The following ANO3 variants were observed in gnomAD, a reference collection of about 807,000 sequenced individuals.
ANO3 encodes the protein anoctamin-3.
A neutral mutation model predicts 144.8 loss-of-function variants in ANO3; 99 were observed. The observed-to-expected ratio is 0.68, with a 90% CI of 0.58 to 0.81. ANO3 has a LOEUF of 0.81. ANO3 is among the 30% of genes least tolerant of loss of function. ANO3 has a pLI of 0.00. For missense variants in ANO3, 905 were observed against 1,202.2 expected, an observed-to-expected ratio of 0.75 and a Z score of 3.66; for synonymous variants, 414 against 392.6, an observed-to-expected ratio of 1.05 and a Z score of -0.64.
chr11:26,575,713 C>T (rs955359092), intron 14 of ANO3, among the ~76,000 whole-genome samples: 3 of 152,116 alleles, frequency 2.0e-5, no homozygotes, highest in African/African-American at 4.8e-5. Flanking sequence ...AAACCACTGA[C>T]ATTGTGCAGC....
intron 1 of ANO3, among the ~76,000 whole-genome samples, chr11:26,196,544 A>G (rs773535434): frequency 2.0e-5 from 3 of 152,210 alleles, no homozygotes; most frequent in Non-Finnish European, 4.4e-5. Context: ...GGTTTTGGAA[A>G]TCATGGCTTC....
intron 14 of ANO3, among the ~76,000 whole-genome samples, chr11:26,577,520 C>T (rs996529296): frequency 1.1e-4 from 16 of 147,290 alleles, no homozygotes; most frequent in East Asian, 2.0e-4. Flanking sequence ...GCTGAGATTG[C>T]GCCATTACAC....
At chr11:26,577,036 C>A (rs1380453553) in intron 14 of ANO3, among the ~76,000 whole-genome samples, 2 of 152,064 alleles carry the variant, frequency 1.3e-5, no homozygotes, top group Non-Finnish European at 2.9e-5. Flanking sequence ...TAAGGACATT[C>A]CTTGGCCACA....
intron 1 of ANO3, among the ~76,000 whole-genome samples, chr11:26,292,881 T>C (rs1440900147): frequency 1.3e-5 from 2 of 152,108 alleles, no homozygotes; most frequent in Non-Finnish European, 2.9e-5. Context: ...TACTCATGGG[T>C]CAGGGACCCA....
chr11:26,615,414 A>ATATATATATATATATATATAT (rs1352935016), intron 17 of ANO3, among the ~76,000 whole-genome samples: 2 of 130,700 alleles, frequency 1.5e-5, no homozygotes, highest in African/African-American at 6.0e-5. Context: ...ATATATATAT[A>ATATATATATATATATATATAT]TTTTTTTTTT....
At chr11:26,262,599 T>C (rs1853214765) in intron 1 of ANO3, among the ~76,000 whole-genome samples, 1 of 152,056 alleles carries the variant, frequency 6.6e-6, no homozygotes, top group South Asian at 2.1e-4. Context: ...AACCCAAACT[T>C]TATATGTTGA....
chr11:26,569,771 TA>T (rs1850746369), intron 14 of ANO3, among the ~76,000 whole-genome samples: 1 of 152,122 alleles, frequency 6.6e-6, no homozygotes. Context: ...ACTTGCTTTA[TA>T]AAGCTGAAAT....
intron 1 of ANO3, among the ~76,000 whole-genome samples, chr11:26,422,112 G>A (rs1163934269): frequency 1.3e-5 from 2 of 151,910 alleles, no homozygotes; most frequent in Non-Finnish European, 2.9e-5. Flanking sequence ...TGAAAGAAAG[G>A]AAAACTATTA....
At position 26,554,552 on chromosome 11, in the gene ANO3, T is replaced by C. The variant is rs566320719; in HGVS notation, c.1386+1207T>C. 7.2e-5 allele frequency among the ~76,000 whole-genome samples: 11 copies of C among 152,224 alleles called. No homozygotes were observed. In the South Asian group the frequency reaches 2.3e-3, roughly 32 times the overall value. ...ATATCTTTTACATACCCACCCATGGTATATGAGAATTCCAGTTTTCTGTGT... is the reference window on the plus strand; with the variant it reads ...ATATCTTTTACATACCCACCCATGGCATATGAGAATTCCAGTTTTCTGTGT... On this transcript the variant is annotated intron_variant, in intron 13 of 26. Transcript: ENST00000256737.
intron 24 of ANO3, among the ~76,000 whole-genome samples, chr11:26,652,291 T>A (rs1432177955): frequency 6.6e-6 from 1 of 152,206 alleles, no homozygotes; most frequent in Non-Finnish European, 1.5e-5. Context: ...TAGCTTCTCC[T>A]TGCTCCTCAA....
chr11:26,449,725 C>CA (rs1858850402), intron 3 of ANO3, among the ~76,000 whole-genome samples: 1 of 149,812 alleles, frequency 6.7e-6, no homozygotes, highest in African/African-American at 2.5e-5. Context: ...AGGCTTAAAA[C>CA]AAAACTCTTC....
intron 14 of ANO3, among the ~76,000 whole-genome samples, chr11:26,583,538 C>T (rs780959212): frequency 2.0e-5 from 3 of 152,158 alleles, no homozygotes; most frequent in East Asian, 3.9e-4. Flanking sequence ...ACAGGCTCTT[C>T]GTATCAATTA....
At chr11:26,414,385 G>A (rs919388023) in intron 1 of ANO3, among the ~76,000 whole-genome samples, 62 of 151,972 alleles carry the variant, frequency 4.1e-4, no homozygotes, top group African/African-American at 1.5e-3. Flanking sequence ...TGTGGTACAT[G>A]TACACCATGG....
intron 3 of ANO3, among the ~76,000 whole-genome samples, chr11:26,453,869 T>C (rs897638454): frequency 6.6e-6 from 1 of 151,776 alleles, no homozygotes; most frequent in Non-Finnish European, 1.5e-5. Context: ...ACAGAAATTA[T>C]AACAAACTCC....
chr11:26,407,084 A>ATATATATATG (rs1857308976), intron 1 of ANO3, among the ~76,000 whole-genome samples: 1 of 142,802 alleles, frequency 7.0e-6, no homozygotes, highest in South Asian at 2.2e-4. Context: ...GTGTATATAT[A>ATATATATATG]TATATATATG....
At chr11:26,510,738 C>T (rs117420551) in intron 5 of ANO3, among the ~76,000 whole-genome samples, 3,353 of 152,294 alleles carry the variant, frequency 0.022, 62 homozygotes, top group Non-Finnish European at 0.035. Flanking sequence ...ATATTCATAA[C>T]AGGTATTGCT....
intron 17 of ANO3, among the ~76,000 whole-genome samples, chr11:26,600,117 C>A (rs1337386244): frequency 6.6e-6 from 1 of 151,944 alleles, no homozygotes; most frequent in Non-Finnish European, 1.5e-5. Flanking sequence ...TTTTTGAAAG[C>A]GAAGTATTGT....
chr11:26,226,217 G>A (rs906530633), intron 1 of ANO3, among the ~76,000 whole-genome samples: 1 of 151,916 alleles, frequency 6.6e-6, no homozygotes, highest in African/African-American at 2.4e-5. Context: ...TCAACAGAAG[G>A]CAAGACAGAT....
At chr11:26,600,880 A>T (rs900209950) in intron 17 of ANO3, among the ~76,000 whole-genome samples, 1 of 152,054 alleles carries the variant, frequency 6.6e-6, no homozygotes, top group African/African-American at 2.4e-5. Flanking sequence ...ACTCAAAGAA[A>T]GCACCTTTTT....
Sources: gnomAD v4.1 joint callset for allele counts (sites outside exome capture counted in the v4.1 genomes callset) on GRCh38, gnomAD v4.1.1 for gene constraint, MANE v1.5 for transcripts, NCBI Gene and HGNC (gene_info 2026-07-23, HGNC 2026-07-21) for gene names.